TESC: variants seen among roughly 807,000 people sequenced by gnomAD.
TESC encodes tescalcin.
TESC carries 19 observed loss-of-function variants against 31.0 expected under a neutral mutation model. The ratio of observed to expected loss-of-function variants is 0.61; its 90% confidence interval spans 0.43 to 0.90. The LOEUF is 0.90. Ranked by LOEUF, TESC falls within the 40% of genes least tolerant of loss-of-function variation. TESC has a pLI of 0.00. For missense variants in TESC, 248 were observed against 303.8 expected, an observed-to-expected ratio of 0.82 and a Z score of 1.36; for synonymous variants, 109 against 114.8, an observed-to-expected ratio of 0.95 and a Z score of 0.32.
chr12:117,045,302 G>A (rs1345234723), intron 6 of TESC, among the ~76,000 whole-genome samples: 1 of 152,242 alleles, frequency 6.6e-6, no homozygotes, highest in African/African-American at 2.4e-5. Flanking sequence ...TGCTTCCCAG[G>A]CTGCGGGGGT....
intron 1 of TESC, among the ~76,000 whole-genome samples, chr12:117,096,731 A>T (rs1425958531): frequency 6.6e-6 from 1 of 152,216 alleles, no homozygotes; most frequent in Non-Finnish European, 1.5e-5. Context: ...GACTTGCCCA[A>T]GGTACCTGGC....
At chr12:117,092,002 G>A (rs932286688) in intron 1 of TESC, among the ~76,000 whole-genome samples, 2 of 152,192 alleles carry the variant, frequency 1.3e-5, no homozygotes. Context: ...AGAAGGCCTG[G>A]TTTTGAGTCT....
chr12:117,045,916 T>C (rs1002535811), intron 6 of TESC, among the ~76,000 whole-genome samples: 3 of 152,202 alleles, frequency 2.0e-5, no homozygotes, highest in Admixed American at 6.5e-5. Flanking sequence ...CACCTGTCCT[T>C]ACAAGAGAAA....
At chr12:117,042,050 C>T (rs755809547) in intron 6 of TESC, 56 bp from the exon 7 acceptor site, 63 of 1,540,010 alleles carry the variant, frequency 4.1e-5, no homozygotes, top group Middle Eastern at 1.8e-4. Flanking sequence ...ACACAGCTTC[C>T]GCAGGGGGAC....
At chr12:117,061,685 T>A (rs887364484) in intron 2 of TESC, among the ~76,000 whole-genome samples, 1 of 152,010 alleles carries the variant, frequency 6.6e-6, no homozygotes, top group African/African-American at 2.4e-5. Flanking sequence ...ACCTGCTACA[T>A]CCACACCTGA....
In TESC at chr12:117,075,937, A is replaced by ATATG. The variant is rs1555232402; in HGVS notation, c.59-601_59-598dup. Among the ~76,000 whole-genome samples, 312 of 99,364 alleles carry ATATG rather than the reference A, an allele frequency of 3.1e-3. 25 individuals are homozygous for ATATG. Among genetic ancestry groups the ATATG allele is most frequent in the African/African-American group, 0.015 (283 of 18,582 alleles). 65.2% of individuals were successfully genotyped at this position (99,364 alleles called of 152,430 possible). On this transcript the variant is annotated intron_variant, in intron 1 of 7. Coordinates refer to ENST00000335209, the MANE Select transcript of TESC (RefSeq NM_017899.4). ...TATGTGTGTGTGTATATATATATAT[A>ATATG]TATGTATATATACATATATATATAT...
intron 3 of TESC, among the ~76,000 whole-genome samples, chr12:117,052,808 CT>C (rs1954666667): frequency 6.6e-6 from 1 of 152,032 alleles, no homozygotes; most frequent in African/African-American, 2.4e-5. Flanking sequence ...GGGAACCTTC[CT>C]TTTCTCTCCT....
intron 2 of TESC, among the ~76,000 whole-genome samples, chr12:117,058,945 C>A (rs1954766671): frequency 6.6e-6 from 1 of 152,202 alleles, no homozygotes; most frequent in South Asian, 2.1e-4. Context: ...TTCTCTCAAT[C>A]TGCTTCCTGC....
chr12:117,062,369 C>A (rs1954810907), intron 2 of TESC, among the ~76,000 whole-genome samples: 1 of 152,050 alleles, frequency 6.6e-6, no homozygotes, highest in Non-Finnish European at 1.5e-5. Context: ...TTACAGGTAC[C>A]TGCCACCATG....
rs572288868 is a variant in TESC, at chr12:117,084,970, A to G, written c.59-9630T>C. ...TGCTTGCTAGAGGCCAGGAAAGCAG[A>G]TGCAAAAAGCGCAGCCCCACTCTGC... is the stretch of plus-strand genomic sequence containing the variant. On this transcript the variant is annotated intron_variant, in intron 1 of 7. Coordinates refer to ENST00000335209, the MANE Select transcript of TESC (RefSeq NM_017899.4). Among the ~76,000 whole-genome samples, 19 of 152,358 alleles carry G rather than the reference A, an allele frequency of 1.2e-4. No individual in the cohort carries two copies. In the East Asian group the frequency reaches 3.3e-3, roughly 26 times the overall value.
intron 2 of TESC, among the ~76,000 whole-genome samples, chr12:117,072,117 C>A (rs1390058688): frequency 6.6e-6 from 1 of 152,132 alleles, no homozygotes; most frequent in Non-Finnish European, 1.5e-5. Context: ...GTGGGAGGGG[C>A]CTCCAACAGC....
intron 3 of TESC, 131 bp from the exon 4 acceptor site, chr12:117,049,289 T>C (rs1273530854): frequency 3.0e-6 from 4 of 1,328,728 alleles, no homozygotes; most frequent in East Asian, 4.7e-5. Flanking sequence ...TCGCCTTGCG[T>C]CTGTGCCCCA....
chr12:117,041,011 G>A (rs1455280035), intron 7 of TESC, among the ~76,000 whole-genome samples: 1 of 141,492 alleles, frequency 7.1e-6, no homozygotes, highest in Non-Finnish European at 1.5e-5. Flanking sequence ...GATGCCCAGG[G>A]CCGAACTGCG....
At chr12:117,082,630 G>A (rs964194521) in intron 1 of TESC, among the ~76,000 whole-genome samples, 11 of 152,064 alleles carry the variant, frequency 7.2e-5, no homozygotes, top group Non-Finnish European at 1.3e-4. Flanking sequence ...GTGGGACATC[G>A]GAAAATGTCA....
chr12:117,042,910 T>A (rs1189612985), intron 6 of TESC, among the ~76,000 whole-genome samples: 1 of 152,164 alleles, frequency 6.6e-6, no homozygotes, highest in South Asian at 2.1e-4. Context: ...GAGTTACTTA[T>A]ATCCTACTGG....
chr12:117,056,697 C>T lies in TESC; in HGVS notation c.209+109G>A, dbSNP rs559532686. 5 of 1,249,798 alleles carry T rather than the reference C, an allele frequency of 4.0e-6. 1 individual carries two copies. The highest frequency in any genetic ancestry group is 4.6e-4 in the Middle Eastern group (2 of 4,394). 77.4% of individuals were successfully genotyped at this position (1,249,798 alleles called of 1,614,324 possible). ...CTCATAACCCCTACCCAGCTTGGCC[C>T]CCTCTTCTGGGCATCAGCTCAAAGG... On this transcript the variant is annotated intron_variant, in intron 3 of 7. Transcript: ENST00000335209.
At chr12:117,039,635 G>A (rs956302737) in intron 7 of TESC, among the ~76,000 whole-genome samples, 7 of 152,144 alleles carry the variant, frequency 4.6e-5, no homozygotes, top group African/African-American at 1.4e-4. Context: ...CATCATGGAC[G>A]CGTTTTGTAA....
At chr12:117,062,319 T>A (rs1954810403) in intron 2 of TESC, among the ~76,000 whole-genome samples, 1 of 152,130 alleles carries the variant, frequency 6.6e-6, no homozygotes, top group African/African-American at 2.4e-5. Flanking sequence ...CCTCCTGGGT[T>A]CAAGTGATTC....
In TESC at chr12:117,042,032, A is replaced by G. The variant is rs772103710; in HGVS notation, c.520-38T>C. On this transcript the variant is annotated intron_variant, in intron 6 of 7. Transcript: ENST00000335209. Reference sequence around the variant, plus strand: ...GCACAGGGTGGACAGTGAGTGGCGCAGGTCCCCACACAGCTTCCGCAGGGG... The same window carrying G: ...GCACAGGGTGGACAGTGAGTGGCGCGGGTCCCCACACAGCTTCCGCAGGGG... 3.8e-6 allele frequency: 6 copies of G among 1,574,042 alleles called. No homozygotes were observed. In the African/African-American group the frequency reaches 8.1e-5, roughly 21 times the overall value.
Sources: gnomAD v4.1 joint callset for allele counts (sites outside exome capture counted in the v4.1 genomes callset) on GRCh38, gnomAD v4.1.1 for gene constraint, MANE v1.5 for transcripts, NCBI Gene and HGNC (gene_info 2026-07-23, HGNC 2026-07-21) for gene names.